The following PRDM1 variants were observed in gnomAD, a reference collection of about 807,000 sequenced individuals.
The protein encoded by PRDM1 is PR/SET domain 1, also known as PR domain zinc finger protein 1.
A neutral mutation model predicts 62.8 loss-of-function variants in PRDM1; 13 were observed. The ratio of observed to expected loss-of-function variants is 0.21; its 90% CI spans 0.13 to 0.33. The LOEUF (loss-of-function observed/expected upper bound fraction) is 0.33. PRDM1 is among the 10% of genes least tolerant of loss of function. The probability of loss-of-function intolerance (pLI) is 1.00; values close to 1 mark genes in which losing one functional copy is unlikely to be tolerated. For missense variants in PRDM1, 895 were observed against 1,058.8 expected (o/e 0.85, Z 2.15); for synonymous variants, 396 against 417.6 (o/e 0.95, Z 0.63).
intron 1 of PRDM1, among the ~76,000 whole-genome samples, chr6:106,040,128 G>A (rs138743522): frequency 1.0e-3 from 154 of 152,378 alleles, no homozygotes; most frequent in African/African-American, 3.5e-3. Context: ...TTGAAACCCA[G>A]CTACATGCAC....
At position 106,106,324 on chromosome 6, in the gene PRDM1, T is replaced by C. The variant is rs1362018425; in HGVS notation, c.1774-47T>C. On this transcript the variant is annotated intron_variant, in intron 5 of 6. Coordinates refer to ENST00000369096, the MANE Select transcript of PRDM1 (RefSeq NM_001198.4). The surrounding 1 kb of genome is among the most constrained non-coding windows in gnomAD (Gnocchi z 4.4). Reference sequence around the variant, plus strand: ...AGTCTTGGAGCAGAAATGTTAGGTCTCAGAGCCAGCTTGAGAGCAGAGCTA... The same window carrying C: ...AGTCTTGGAGCAGAAATGTTAGGTCCCAGAGCCAGCTTGAGAGCAGAGCTA... The C allele has an allele frequency of 6.2e-7, 1 of 1,606,168 alleles. No individual in the cohort carries two copies. The highest frequency in any genetic ancestry group is 8.5e-7 in the Non-Finnish European group (1 of 1,174,350).
At position 106,096,154 on chromosome 6, in the gene PRDM1, GT is replaced by G. The variant is rs113757559; in HGVS notation, c.411+433del. The G allele has an allele frequency of 5.1e-3, 759 of 150,256 alleles. 1 individual carries two copies. The highest frequency in any genetic ancestry group is 0.014 in the South Asian group (76 of 5,560). The allele number at this position is 150,256 out of a possible 1,614,324, so 9.3% of individuals were successfully genotyped here. ...TTATCACAAATGAATTATCTTTTTGGTTTTTTTTTTTTTGAGATGGAGTCTC... is the reference window on the plus strand; with the variant it reads ...TTATCACAAATGAATTATCTTTTTGGTTTTTTTTTTTTGAGATGGAGTCTC... On this transcript the variant is annotated intron_variant, in intron 3 of 6. Coordinates refer to ENST00000369096, the MANE Select transcript of PRDM1 (RefSeq NM_001198.4).
intron 1 of PRDM1, among the ~76,000 whole-genome samples, chr6:106,025,334 C>T (rs1279266833): frequency 6.6e-6 from 1 of 152,202 alleles, no homozygotes; most frequent in Non-Finnish European, 1.5e-5. Context: ...ATATGCTTGA[C>T]ATAATCCATA....
chr6:106,056,131 A>T (rs1773262289), intron 1 of PRDM1, among the ~76,000 whole-genome samples: 1 of 152,212 alleles, frequency 6.6e-6, no homozygotes, highest in African/African-American at 2.4e-5. Context: ...AGATGAAGCT[A>T]CAAAGCAGTT....
At chr6:106,104,731 A>G (rs1774391366) in intron 4 of PRDM1, 94 bp from the exon 5 acceptor site, 2 of 1,413,046 alleles carry the variant, frequency 1.4e-6, no homozygotes, top group Non-Finnish European at 1.9e-6. Flanking sequence ...GCCAGCTGTT[A>G]CTCAGGTTTT....
chr6:106,049,360 T>C (rs1773134465), intron 1 of PRDM1, among the ~76,000 whole-genome samples: 1 of 152,206 alleles, frequency 6.6e-6, no homozygotes, highest in Admixed American at 6.5e-5. Context: ...TCGTGTACAT[T>C]TTATGTCTAT....
chr6:106,090,293 TA>T (rs1773928699), intron 2 of PRDM1, among the ~76,000 whole-genome samples: 1 of 152,226 alleles, frequency 6.6e-6, no homozygotes, highest in Non-Finnish European at 1.5e-5. Context: ...TTCAATATAT[TA>T]AGCAACCAAA....
intron 4 of PRDM1, 112 bp downstream of exon 4, chr6:106,099,664 TAGGTGG>T: frequency 2.1e-6 from 3 of 1,438,490 alleles, no homozygotes; most frequent in Non-Finnish European, 2.8e-6. Flanking sequence ...TTGGATGAAG[TAGGTGG>T]CTTAAGCTAG....
exon 1 of PRDM1, among the ~76,000 whole-genome samples, chr6:105,993,537 C>T (rs1376197079): frequency 6.6e-6 from 1 of 152,226 alleles, no homozygotes; most frequent in Non-Finnish European, 1.5e-5. Context: ...GGGAAGGTGC[C>T]ACTTGGAAGA....
intron 1 of PRDM1, among the ~76,000 whole-genome samples, chr6:106,031,272 G>A (rs1370736637): frequency 1.3e-5 from 2 of 152,166 alleles, no homozygotes; most frequent in Non-Finnish European, 2.9e-5. Flanking sequence ...GTACAGAAAA[G>A]TAAATGGACA....
intron 1 of PRDM1, among the ~76,000 whole-genome samples, chr6:106,007,513 A>G (rs1006303931): frequency 5.4e-5 from 8 of 148,590 alleles, no homozygotes; most frequent in Admixed American, 3.3e-4. Context: ...ATGTGAAATT[A>G]TCTACTACTG....
chr6:106,073,403 C>T (rs1358431136), intron 1 of PRDM1, among the ~76,000 whole-genome samples: 2 of 152,198 alleles, frequency 1.3e-5, no homozygotes, highest in Admixed American at 6.5e-5. Context: ...ACATGAGCCA[C>T]AGCACCCGGC....
intron 1 of PRDM1, among the ~76,000 whole-genome samples, chr6:106,064,093 T>C: frequency 6.6e-6 from 1 of 152,334 alleles, no homozygotes; most frequent in South Asian, 2.1e-4. Context: ...CATCTAAAAA[T>C]AGCATTGTAT....
chr6:106,021,819 C>T lies in PRDM1; in HGVS notation c.-67+28180C>T, dbSNP rs181871018. ...ATTTTTAGTAGAAACAGGGTTTCTC[C>T]ATGTTGGTCAGACTGGTCTCAAACT... On this transcript the variant is annotated intron_variant, in intron 1 of 6. Coordinates refer to the PRDM1 transcript ENST00000652320. Among the ~76,000 whole-genome samples, 6 of 152,204 alleles carry T rather than the reference C, an allele frequency of 3.9e-5. No individual in the cohort carries two copies. In the East Asian group the frequency reaches 1.2e-3, roughly 29 times the overall value.
intron 1 of PRDM1, among the ~76,000 whole-genome samples, chr6:106,004,843 A>G (rs1772465311): frequency 6.6e-6 from 1 of 152,218 alleles, no homozygotes. Flanking sequence ...CTTGGAATAG[A>G]TGCTTGTTAA....
chr6:106,098,294 CTT>C (rs1774166862), intron 3 of PRDM1: 3 of 985,138 alleles, frequency 3.0e-6, no homozygotes, highest in African/African-American at 1.7e-5. Flanking sequence ...AGAGAGAAAA[CTT>C]TGTGTGGAAG....
rs1582480710 is a variant in PRDM1, at chr6:106,106,005, T to C, written c.1773+72T>C. On this transcript the variant is annotated intron_variant, in intron 5 of 6. Transcript: ENST00000369096. The surrounding 1 kb of genome is among the most constrained non-coding windows in gnomAD (Gnocchi z 4.4). ...GTGTTTGTATTTAGCTTGCTTTCCA[T>C]GGGGTATCGATTGCATTTGCAGTAG... is the stretch of plus-strand genomic sequence containing the variant. 5 of 1,539,142 alleles carry C rather than the reference T, an allele frequency of 3.2e-6. No individual in the cohort carries two copies. The East Asian group carries it at 1.1e-4, about 35-fold the overall frequency.
chr6:106,107,144 G>A lies in PRDM1; in HGVS notation c.2136G>A (p.Ala712=), dbSNP rs756957541. 21 of 1,614,044 alleles carry A rather than the reference G, an allele frequency of 1.3e-5. No individual in the cohort carries two copies. The highest frequency in any genetic ancestry group is 3.3e-5 in the South Asian group (3 of 91,090). ...LKVHLKGNCA[A]APAPGLPLED... ...TTCACCTGAAAGGGAACTGCGCTGC[G>A]GCCCCGGCGCCTGGGCTGCCCTTGG... The change falls in exon 7 of 7, where the codon GCG becomes GCA. Residue 712 remains alanine, a synonymous_variant. Transcript: ENST00000369096.
At chr6:106,074,527 A>T (rs888136759) in intron 1 of PRDM1, among the ~76,000 whole-genome samples, 21 of 152,266 alleles carry the variant, frequency 1.4e-4, no homozygotes, top group Non-Finnish European at 2.4e-4. Context: ...ATTAAATATT[A>T]TATAAATCAA....
Sources: allele counts gnomAD v4.1 joint callset (sites outside exome capture counted in the v4.1 genomes callset), GRCh38; gene constraint gnomAD v4.1.1; non-coding constraint Gnocchi (gnomAD v3.1); transcripts MANE v1.5; gene names NCBI Gene and HGNC (gene_info 2026-07-23, HGNC 2026-07-21).